Variants in SAMM50 observed in about 807,000 individuals in gnomAD.
The protein encoded by SAMM50 is SAMM50 sorting and assembly machinery component.
SAMM50 carries 47 observed loss-of-function variants against 66.9 expected under a neutral mutation model. The ratio of observed to expected loss-of-function variants is 0.70; its 90% CI spans 0.56 to 0.90. The LOEUF is 0.90. SAMM50 is among the 40% of genes least tolerant of loss of function. The pLI, the probability that SAMM50 is intolerant of heterozygous loss-of-function variation, is 0.00. For synonymous variants in SAMM50, 191 were observed against 214.1 expected, an observed-to-expected ratio of 0.89 and a Z score of 0.94; for missense variants, 535 against 595.3, an observed-to-expected ratio of 0.90 and a Z score of 1.05.
rs768642813 is a variant in SAMM50 at position 43,972,935 on chromosome 22, A to T, written c.494A>T (p.Tyr165Phe). Residue 165 changes from tyrosine (Y) to phenylalanine (F), a missense_variant, in exon 6 of 15, where the codon TAT (tyrosine) becomes TTT (phenylalanine). Physicochemically the swap from Tyr to Phe is conservative, Grantham distance 22. Coordinates refer to ENST00000350028, the MANE Select transcript of SAMM50 (RefSeq NM_015380.5). ...RAEKVTFQFS[Y>F]GTKETSYGLS... ...GAAAAGGTGACCTTTCAGTTTTCCT[A>T]TGGAACAAAAGAAACTTCGTATGGC... 4 of 1,601,242 alleles carry T rather than the reference A, an allele frequency of 2.5e-6. No homozygotes were observed. Among genetic ancestry groups the T allele is most frequent in the Admixed American group, 1.8e-5 (1 of 56,410 alleles).
At chr22:43,956,997 C>A in intron 1 of SAMM50, 4 of 697,722 alleles carry the variant, frequency 5.7e-6, no homozygotes, top group Non-Finnish European at 1.0e-5. Flanking sequence ...CTGTGGCGGC[C>A]TGCCGGGAGC....
intron 1 of SAMM50, among the ~76,000 whole-genome samples, chr22:43,958,651 G>T (rs2146803951): frequency 6.6e-6 from 1 of 151,912 alleles, no homozygotes; most frequent in South Asian, 2.1e-4. Flanking sequence ...GCTAATTTTT[G>T]TATTTTTAGT....
intron 1 of SAMM50, among the ~76,000 whole-genome samples, chr22:43,959,399 C>G (rs942323555): frequency 2.0e-5 from 3 of 152,062 alleles, no homozygotes; most frequent in African/African-American, 4.8e-5. Context: ...ATGTCCCATA[C>G]CCGCTGCCTT....
At position 43,981,391 on chromosome 22, in the gene SAMM50, GT is replaced by G. The variant is rs772302190; in HGVS notation, c.943del (p.Ser315GlnfsTer48). 3 of 1,613,174 alleles carry G rather than the reference GT, an allele frequency of 1.9e-6. No homozygotes were observed. In the Admixed American group the frequency reaches 5.0e-5, roughly 27 times the overall value. ...CAACCATTTGTTTCTATTTGAACAGGTTTTTTCAGCGTCTTTCTGGGGCGGA... is the reference window on the plus strand; with the variant it reads ...CAACCATTTGTTTCTATTTGAACAGGTTTTTCAGCGTCTTTCTGGGGCGGA... ...QLNKQLIFDS[V>X]FSASFWGGML... is the part of the protein sequence containing the mutation. On this transcript the variant is annotated frameshift_variant and splice_region_variant, in exon 11 of 15. Coordinates refer to ENST00000350028, the MANE Select transcript of SAMM50 (RefSeq NM_015380.5). LOFTEE classifies it high-confidence loss of function.
In SAMM50 at chr22:43,970,951, G is replaced by A. The variant is rs2050200435; in HGVS notation, c.323-1285G>A. ...GGAAGCCAGGGCGGCTGGATCATGA[G>A]GTCAGGAGTTCGAGACCAGCCTGGT... is the stretch of plus-strand genomic sequence containing the variant. On this transcript the variant is annotated intron_variant, in intron 4 of 14. Coordinates refer to ENST00000350028, the MANE Select transcript of SAMM50 (RefSeq NM_015380.5). Among the ~76,000 whole-genome samples the A allele has an allele frequency of 2.6e-5, 4 of 152,318 alleles. No individual in the cohort carries two copies. The South Asian group carries it at 8.3e-4, about 32-fold the overall frequency.
At position 43,990,254 on chromosome 22, in the gene SAMM50, TCTC is replaced by T. The variant is rs1004467419; in HGVS notation, c.1223-10_1223-8del. ...GCACGCACTGTTGCTCACAGGTCTT[TCTC>T]TTTTCAGGGGAGGGCCCCAAAGCTC... On this transcript the variant is annotated splice_region_variant and splice_polypyrimidine_tract_variant and intron_variant, in intron 13 of 14. Coordinates refer to ENST00000350028, the MANE Select transcript of SAMM50 (RefSeq NM_015380.5). 1.5e-5 allele frequency: 25 copies of T among 1,614,038 alleles called. No individual in the cohort carries two copies. The highest frequency in any genetic ancestry group is 2.1e-5 in the Non-Finnish European group (25 of 1,180,026).
chr22:43,981,562 A>C, intron 11 of SAMM50, 101 bp downstream of exon 11: 1 of 766,950 alleles, frequency 1.3e-6, no homozygotes, highest in Non-Finnish European at 2.3e-6. Flanking sequence ...TTAGGAGAGC[A>C]TAGTATTTCA....
At chr22:43,984,034 A>C in intron 12 of SAMM50, 34 bp downstream of exon 12, 1 of 1,583,284 alleles carries the variant, frequency 6.3e-7, no homozygotes, top group Non-Finnish European at 8.6e-7. Flanking sequence ...CCAAGTCTAG[A>C]AGGCTCGCGT....
intron 14 of SAMM50, among the ~76,000 whole-genome samples, chr22:43,992,609 C>G (rs1029186810): frequency 6.6e-6 from 1 of 152,234 alleles, no homozygotes; most frequent in African/African-American, 2.4e-5. Context: ...ACTGTGTGGC[C>G]CGGGGTGAGT....
chr22:43,982,213 T>G (rs1326217865), intron 11 of SAMM50, among the ~76,000 whole-genome samples: 1 of 152,210 alleles, frequency 6.6e-6, no homozygotes, highest in African/African-American at 2.4e-5. Flanking sequence ...CCTAACAGTT[T>G]CACAAAACTC....
In SAMM50 at chr22:43,990,368, T is replaced by TA; in HGVS notation, c.1328dup (p.Asn443LysfsTer16). 3 of 1,614,196 alleles carry TA rather than the reference T, an allele frequency of 1.9e-6. No homozygotes were observed. The highest frequency in any genetic ancestry group is 2.5e-6 in the Non-Finnish European group (3 of 1,180,026). On this transcript the variant is annotated frameshift_variant, in exon 14 of 15. Transcript: ENST00000350028. LOFTEE classifies it high-confidence loss of function. ...TTGGCAACATCGCTCGGTTGGAACT[T>TA]AATTACTGCGTCCCCATGGGAGTAC...
intron 10 of SAMM50, 110 bp from the exon 11 acceptor site, chr22:43,981,281 G>A (rs1479280421): frequency 2.4e-5 from 20 of 839,734 alleles, no homozygotes; most frequent in South Asian, 1.2e-4. Flanking sequence ...ACCCCATCGC[G>A]GAGCTCTGCA....
intron 3 of SAMM50, among the ~76,000 whole-genome samples, chr22:43,965,111 G>A (rs961118845): frequency 2.1e-4 from 32 of 150,650 alleles, no homozygotes; most frequent in African/African-American, 7.1e-4. Context: ...GCCGGGTCCA[G>A]CTGGCTCCTT....
In SAMM50 at chr22:43,957,670, C is replaced by T. The variant is rs1279308606; in HGVS notation, c.21+2072C>T. ...AACTCCTGACCTCAAGTGATCATCCCGCCTCGGCCTCCCAAAGTGCTGAGA... is the reference window on the plus strand; with the variant it reads ...AACTCCTGACCTCAAGTGATCATCCTGCCTCGGCCTCCCAAAGTGCTGAGA... On this transcript the variant is annotated intron_variant, in intron 1 of 14. Coordinates refer to ENST00000350028, the MANE Select transcript of SAMM50 (RefSeq NM_015380.5). 8.5e-5 allele frequency among the ~76,000 whole-genome samples: 13 copies of T among 152,238 alleles called. No homozygotes were observed. In the East Asian group the frequency reaches 1.9e-3, roughly 23 times the overall value.
At chr22:43,963,839 A>T (rs1335610183) in intron 2 of SAMM50, among the ~76,000 whole-genome samples, 1 of 151,914 alleles carries the variant, frequency 6.6e-6, no homozygotes, top group African/African-American at 2.4e-5. Flanking sequence ...TTGAGTCAGC[A>T]TTTATTGTGC....
intron 4 of SAMM50, among the ~76,000 whole-genome samples, chr22:43,970,643 G>A (rs1159790438): frequency 1.3e-5 from 2 of 152,156 alleles, no homozygotes; most frequent in Admixed American, 6.5e-5. Flanking sequence ...TACCACACAT[G>A]CGAGGTGTTA....
intron 14 of SAMM50, among the ~76,000 whole-genome samples, chr22:43,992,260 G>A (rs890877404): frequency 6.6e-6 from 1 of 152,202 alleles, no homozygotes; most frequent in Non-Finnish European, 1.5e-5. Flanking sequence ...TCTGAGCATC[G>A]CCTCTCAGGT....
Position 43,990,379 on chromosome 22 carries a change from T to C in SAMM50, c.1337T>C (p.Val446Ala). Residue 446 changes from valine (V) to alanine (A), a missense_variant, in exon 14 of 15, where the codon GTC (valine) becomes GCC (alanine). By Grantham distance (64) the Val-to-Ala change is moderately conservative. Transcript: ENST00000350028. Reference protein sequence around the residue: ...NIARLELNYCVPMGVQTGDRI... With the variant: ...NIARLELNYCAPMGVQTGDRI... ...GCTCGGTTGGAACTTAATTACTGCG[T>C]CCCCATGGGAGTACAGACAGGCGAC... 6.2e-7 allele frequency: 1 copy of C among 1,614,164 alleles called. No individual in the cohort carries two copies. The highest frequency in any genetic ancestry group is 8.5e-7 in the Non-Finnish European group (1 of 1,180,012).
intron 10 of SAMM50, among the ~76,000 whole-genome samples, chr22:43,980,111 TCCACCCAC>T (rs2050255462): frequency 7.2e-6 from 1 of 139,440 alleles, no homozygotes; most frequent in African/African-American, 2.8e-5. Flanking sequence ...CATCCACCCA[TCCACCCAC>T]CCACCTACCC....
Sources: allele counts gnomAD v4.1 joint callset (sites outside exome capture counted in the v4.1 genomes callset), GRCh38; gene constraint gnomAD v4.1.1; transcripts MANE v1.5; gene names NCBI Gene and HGNC (gene_info 2026-07-23, HGNC 2026-07-21).